Variants in NSRP1 observed in about 807,000 individuals in gnomAD.
NSRP1 encodes the protein nuclear speckle splicing regulatory protein 1.
In NSRP1, 24 loss-of-function variants were observed where a neutral mutation model predicts 54.7. The observed-to-expected ratio is 0.44, with a 90% CI of 0.32 to 0.62. The LOEUF is 0.62. Ranked by LOEUF, NSRP1 falls within the 20% of genes least tolerant of loss-of-function variation. The pLI is 0.06. For synonymous variants in NSRP1, 210 were observed against 213.8 expected (o/e 0.98, Z 0.15); for missense variants, 596 against 651.2 (o/e 0.92, Z 0.92).
At chr17:30,163,218 TGTGTGTGTGTGTGTGTGTGTGTGTGTGTG>T (rs1904594766) in intron 2 of NSRP1, 1 of 145,306 alleles carries the variant, frequency 6.9e-6, no homozygotes, top group Non-Finnish European at 1.5e-5. Context: ...TGTGTGTGTG[TGTGTGTGTGTGTGTGTGTGTGTGTGTGTG>T]TTTTTAGTAG....
intron 2 of NSRP1, among the ~76,000 whole-genome samples, chr17:30,171,205 T>C (rs1186880336): frequency 1.3e-5 from 2 of 152,154 alleles, no homozygotes; most frequent in Non-Finnish European, 2.9e-5. Flanking sequence ...GGATTCTTGA[T>C]TCCTCATATA....
At position 30,138,910 on chromosome 17, in the gene NSRP1, T is replaced by TC; in HGVS notation, c.114+20737_114+20738insC. Among the ~76,000 whole-genome samples the TC allele has an allele frequency of 6.7e-5, 4 of 59,858 alleles. No homozygotes were observed. In the East Asian group the frequency reaches 2.9e-3, roughly 43 times the overall value. The allele number at this position is 59,858 out of a possible 152,430, so 39.3% of individuals were successfully genotyped here. A position where few individuals can be genotyped will look rare whatever the true frequency, so the allele number is the denominator to read the frequency against. On this transcript the variant is annotated intron_variant, in intron 2 of 6. Transcript: ENST00000247026. Reference sequence around the variant, plus strand: ...TGAAGTGGTATCTCAAGTCTTAGCGTTTTTTTTTTTTTTTTTTTTTTTTTT... The same window carrying TC: ...TGAAGTGGTATCTCAAGTCTTAGCGTCTTTTTTTTTTTTTTTTTTTTTTTTT...
At chr17:30,175,475 C>G (rs1905096124) in intron 3 of NSRP1, among the ~76,000 whole-genome samples, 1 of 151,810 alleles carries the variant, frequency 6.6e-6, no homozygotes, top group Admixed American at 6.6e-5. Flanking sequence ...TGCTCTGTAC[C>G]TAGGCTGGAG....
chr17:30,118,160 A>T lies in NSRP1; in HGVS notation c.101A>T (p.Asp34Val), dbSNP rs1253879231. 1 of 1,607,514 alleles carries T rather than the reference A, an allele frequency of 6.2e-7. No individual in the cohort carries two copies. The highest frequency in any genetic ancestry group is 1.7e-5 in the Admixed American group (1 of 59,842). ...CCATCAGTGTTTGGGAATGATTCTGATGATGATGATGAGGTAAGGAAACCT... is the reference window on the plus strand; with the variant it reads ...CCATCAGTGTTTGGGAATGATTCTGTTGATGATGATGAGGTAAGGAAACCT... ...QKPSVFGNDS[D>V]DDDETSVSES... The change falls in exon 2 of 7, where the codon GAT becomes GTT. Residue 34 changes from aspartate to valine, a missense_variant. Physicochemically the swap from Asp to Val is radical, Grantham distance 152 (BLOSUM62 -3). Transcript: ENST00000247026.
In NSRP1 at chr17:30,185,000, C is replaced by G. The variant is rs376766098; in HGVS notation, c.1003C>G (p.Arg335Gly). Residue 335 changes from arginine (R) to glycine (G), a missense_variant, in exon 7 of 7, where the codon CGT (arginine) becomes GGT (glycine). By Grantham distance (125) the Arg-to-Gly change is moderately radical. Coordinates refer to ENST00000247026, the MANE Select transcript of NSRP1 (RefSeq NM_032141.4). Reference protein sequence around the residue: ...SRDQENHYTDRDYRKERDSHR... With the variant: ...SRDQENHYTDGDYRKERDSHR... ...AGACCAAGAGAACCATTACACTGAC[C>G]GTGATTACCGGAAAGAAAGGGATTC... The G allele has an allele frequency of 2.5e-6, 4 of 1,613,966 alleles. No individual in the cohort carries two copies. Among genetic ancestry groups the G allele is most frequent in the Non-Finnish European group, 2.5e-6 (3 of 1,180,004 alleles).
At chr17:30,126,461 A>G (rs2071650390) in intron 2 of NSRP1, among the ~76,000 whole-genome samples, 1 of 152,088 alleles carries the variant, frequency 6.6e-6, no homozygotes, top group African/African-American at 2.4e-5. Flanking sequence ...CCTTTTTCTT[A>G]CACTCTTTAC....
intron 3 of NSRP1, 113 bp from the exon 4 acceptor site, chr17:30,177,958 A>T (rs763279870): frequency 1.6e-6 from 2 of 1,233,460 alleles, no homozygotes; most frequent in Non-Finnish European, 1.2e-6. Context: ...TAAAAATGTG[A>T]TTGTAATTTT....
intron 2 of NSRP1, among the ~76,000 whole-genome samples, chr17:30,141,753 A>G (rs913896840): frequency 6.6e-6 from 1 of 152,254 alleles, no homozygotes; most frequent in Non-Finnish European, 1.5e-5. Flanking sequence ...TGGTAATCCC[A>G]GCACTGTGGG....
At chr17:30,168,114 TA>T (rs1255202166) in intron 2 of NSRP1, 1 of 152,206 alleles carries the variant, frequency 6.6e-6, no homozygotes, top group Non-Finnish European at 1.5e-5. Context: ...GTATATCCAG[TA>T]CTGGTGTTTA....
intron 2 of NSRP1, among the ~76,000 whole-genome samples, chr17:30,132,245 C>CAAAAAAAAAA (rs536072441): frequency 8.9e-6 from 1 of 112,666 alleles, no homozygotes. Context: ...GAGACTGTCT[C>CAAAAAAAAAA]AAAAAAAAAA....
At chr17:30,184,577 G>A (rs778604811) in intron 6 of NSRP1, 38 bp from the exon 7 acceptor site, 1 of 1,517,884 alleles carries the variant, frequency 6.6e-7, no homozygotes, top group East Asian at 2.3e-5. Flanking sequence ...TGATAATGTG[G>A]CATTTTTTTC....
chr17:30,152,248 G>T (rs950322448), intron 2 of NSRP1, among the ~76,000 whole-genome samples: 2 of 151,232 alleles, frequency 1.3e-5, no homozygotes, highest in African/African-American at 4.9e-5. Context: ...TCAGTCTCTC[G>T]AGTAGCTGGG....
At chr17:30,159,071 TATTA>T (rs1364255529) in intron 2 of NSRP1, among the ~76,000 whole-genome samples, 4 of 152,230 alleles carry the variant, frequency 2.6e-5, no homozygotes, top group Non-Finnish European at 2.9e-5. Context: ...ATTTTCACCA[TATTA>T]ATTCTTCCGA....
intron 3 of NSRP1, among the ~76,000 whole-genome samples, chr17:30,177,330 C>G (rs1905159326): frequency 6.6e-6 from 1 of 151,884 alleles, no homozygotes. Flanking sequence ...CAAGATCACA[C>G]CACTGGCACT....
intron 2 of NSRP1, among the ~76,000 whole-genome samples, chr17:30,143,154 T>A (rs922411648): frequency 3.9e-5 from 6 of 152,174 alleles, no homozygotes; most frequent in African/African-American, 1.4e-4. Flanking sequence ...AAAAAGAAGT[T>A]TTTCCTTTAT....
At chr17:30,143,950 ACATGTAC>A (rs1181831557) in intron 2 of NSRP1, 1 of 152,168 alleles carries the variant, frequency 6.6e-6, no homozygotes, top group African/African-American at 2.4e-5. Context: ...ATAAATGTAT[ACATGTAC>A]CATGTACCCA....
intron 2 of NSRP1, among the ~76,000 whole-genome samples, chr17:30,135,133 A>C (rs543663589): frequency 1.2e-3 from 175 of 151,782 alleles, no homozygotes; most frequent in African/African-American, 3.2e-3. Flanking sequence ...TTCTTTCTTT[A>C]TTTGAGACAG....
chr17:30,151,115 G>A (rs924337598), intron 2 of NSRP1, among the ~76,000 whole-genome samples: 24 of 152,048 alleles, frequency 1.6e-4, no homozygotes, highest in African/African-American at 5.6e-4. Context: ...ACCTTTTCAT[G>A]TGCTTTTTGG....
intron 2 of NSRP1, among the ~76,000 whole-genome samples, chr17:30,129,492 T>C (rs879535065): frequency 2.0e-5 from 3 of 152,122 alleles, no homozygotes; most frequent in Non-Finnish European, 2.9e-5. Flanking sequence ...TACATAAGTG[T>C]ATACACTTCC....
Sources: allele counts gnomAD v4.1 joint callset (sites outside exome capture counted in the v4.1 genomes callset), GRCh38; gene constraint gnomAD v4.1.1; transcripts MANE v1.5; gene names NCBI Gene and HGNC (gene_info 2026-07-23, HGNC 2026-07-21).